ADAM33: variants seen among roughly 807,000 people sequenced by gnomAD.
ADAM33 encodes the protein ADAM metallopeptidase domain 33.
In ADAM33, 103 loss-of-function variants were observed where a neutral mutation model predicts 106.2. That is an observed-to-expected ratio of 0.97 (90% CI 0.83 to 1.14). The LOEUF (loss-of-function observed/expected upper bound fraction) is 1.14. Among genes scored for constraint, ADAM33 ranks in the 50% most tolerant of loss-of-function variants. ADAM33 has a pLI of 0.00. For synonymous variants in ADAM33, 483 were observed against 453.0 expected (o/e 1.07, Z -0.84); for missense variants, 1,120 against 1,096.6 (o/e 1.02, Z -0.30).
At position 3,673,453 on chromosome 20, in the gene ADAM33, TG is replaced by T; in HGVS notation, c.1033del (p.His345MetfsTer124). ...GAGGCCGAGGCTGTGGCCGATCTCA[TG>T]GGCCATGGTGGCTGCGGCGCCGATG... ...LPIGAAATMA[H>X]EIGHSLGLSH... On this transcript the variant is annotated frameshift_variant, in exon 11 of 22. Coordinates refer to ENST00000356518, the MANE Select transcript of ADAM33 (RefSeq NM_025220.5). LOFTEE classifies it high-confidence loss of function. 6.4e-7 allele frequency: 1 copy of T among 1,558,868 alleles called. No homozygotes were observed.
chr20:3,682,008 T>G lies in ADAM33; in HGVS notation c.-4A>C. The G allele has an allele frequency of 6.7e-7, 1 of 1,500,256 alleles. No individual in the cohort carries two copies. The highest frequency in any genetic ancestry group is 8.9e-7 in the Non-Finnish European group (1 of 1,123,926). The allele number at this position is 1,500,256 out of a possible 1,614,324, so 92.9% of individuals were successfully genotyped here. ...CTCTCCGGGGCCTCCAGCCCATAGCTGTGAGCTCCTCGGCCTCTAGGCAGC... is the reference window on the plus strand; with the variant it reads ...CTCTCCGGGGCCTCCAGCCCATAGCGGTGAGCTCCTCGGCCTCTAGGCAGC... On this transcript the variant is annotated 5_prime_UTR_variant, in exon 1 of 22. Coordinates refer to ENST00000356518, the MANE Select transcript of ADAM33 (RefSeq NM_025220.5).
intron 8 of ADAM33, 72 bp from the exon 9 acceptor site, chr20:3,673,983 TCCTC>T: frequency 6.2e-7 from 1 of 1,604,024 alleles, no homozygotes; most frequent in South Asian, 1.1e-5. Context: ...GGGGCGCCCT[TCCTC>T]TTCCCCAAAC....
rs368226907 is a variant in ADAM33, at chr20:3,674,193, C to G, written c.666+26G>C. 4.3e-6 allele frequency: 7 copies of G among 1,614,016 alleles called. No homozygotes were observed. In the African/African-American group the frequency reaches 9.3e-5, roughly 22 times the overall value. On this transcript the variant is annotated intron_variant, in intron 7 of 21. Coordinates refer to ENST00000356518, the MANE Select transcript of ADAM33 (RefSeq NM_025220.5). ...GCTGAGCTGGCCCCATCCCTGACCC[C>G]GCCAACCCCTGGGGTCTCTCCTCAC...
chr20:3,674,742 C>T, intron 5 of ADAM33, 31 bp downstream of exon 5: 10 of 1,595,470 alleles, frequency 6.3e-6, no homozygotes, highest in Middle Eastern at 1.7e-4. Context: ...CTTTCCCCAT[C>T]CCAGGCCCAG....
In ADAM33 at chr20:3,679,302, C is replaced by T. The variant is rs538895363; in HGVS notation, c.177+190G>A. Among the ~76,000 whole-genome samples the T allele has an allele frequency of 9.9e-5, 15 of 151,790 alleles. No homozygotes were observed. The South Asian group carries it at 2.3e-3, about 23-fold the overall frequency. On this transcript the variant is annotated intron_variant, in intron 2 of 21. Coordinates refer to ENST00000356518, the MANE Select transcript of ADAM33 (RefSeq NM_025220.5). The stretch of plus-strand genomic sequence containing the variant: ...AATGACTTCCATGTGTGCGGGCTCA[C>T]GAGATCCAGATGTCCAAACCCCAGT...
intron 2 of ADAM33, among the ~76,000 whole-genome samples, chr20:3,677,408 C>T (rs1250646406): frequency 6.6e-6 from 1 of 152,184 alleles, no homozygotes; most frequent in African/African-American, 2.4e-5. Flanking sequence ...AGCATCCTCC[C>T]TAGAGACCAG....
At position 3,668,623 on chromosome 20, in the gene ADAM33, A is replaced by T. The variant is rs2087338484; in HGVS notation, c.*340T>A. 3 of 362,710 alleles carry T rather than the reference A, an allele frequency of 8.3e-6. No individual in the cohort carries two copies. 22.5% of individuals were successfully genotyped at this position (362,710 alleles called of 1,614,324 possible). On this transcript the variant is annotated 3_prime_UTR_variant, in exon 22 of 22. Transcript: ENST00000356518. ...TCCGTGGAAATTGCATGTAGGAGACACACCAGACTCCCAGGACAGAGCCCT... is the reference window on the plus strand; with the variant it reads ...TCCGTGGAAATTGCATGTAGGAGACTCACCAGACTCCCAGGACAGAGCCCT...
At chr20:3,672,689 G>C (rs1568803175) in intron 12 of ADAM33, 32 bp downstream of exon 12, 2 of 1,595,526 alleles carry the variant, frequency 1.3e-6, no homozygotes, top group Non-Finnish European at 1.7e-6. Context: ...TGAGCGGAGA[G>C]GGCAAGTGGG....
At position 3,671,782 on chromosome 20, in the gene ADAM33, G is replaced by A. The variant is rs1366260187; in HGVS notation, c.1707-3C>T. ...GCAGCTTCCCACACAGGGCATCCCTGGGGAGGAAGTAGAGGGGGGTCAACA... is the reference window on the plus strand; with the variant it reads ...GCAGCTTCCCACACAGGGCATCCCTAGGGAGGAAGTAGAGGGGGGTCAACA... On this transcript the variant is annotated splice_region_variant and splice_polypyrimidine_tract_variant and intron_variant, in intron 15 of 21. Coordinates refer to ENST00000356518, the MANE Select transcript of ADAM33 (RefSeq NM_025220.5). 4 of 1,559,240 alleles carry A rather than the reference G, an allele frequency of 2.6e-6. No individual in the cohort carries two copies. The highest frequency in any genetic ancestry group is 3.5e-6 in the Non-Finnish European group (4 of 1,151,348).
rs1033626972 is a variant in ADAM33 at position 3,674,811 on chromosome 20, G to A, written c.372C>T (p.Pro124=). 8.1e-6 allele frequency: 13 copies of A among 1,611,116 alleles called. No homozygotes were observed. The highest frequency in any genetic ancestry group is 4.0e-5 in the African/African-American group (3 of 74,888). Residue 124 remains proline (P), a synonymous_variant, in exon 5 of 22, where the codon CCC becomes CCT. Coordinates refer to ENST00000356518, the MANE Select transcript of ADAM33 (RefSeq NM_025220.5). ...CHYQGRVRGF[P]DSWVVLCTCS... Reference sequence around the variant, plus strand: ...AGGTGCAGAGGACTACCCAGGAGTCGGGGAAGCCCCTTACTCGCCCTTGGT... The same window carrying A: ...AGGTGCAGAGGACTACCCAGGAGTCAGGGAAGCCCCTTACTCGCCCTTGGT...
Position 3,673,864 on chromosome 20 carries a change from C to A in ADAM33, c.786G>T (p.Val262=), listed in dbSNP as rs537195705. 1 of 1,563,872 alleles carries A rather than the reference C, an allele frequency of 6.4e-7. No homozygotes were observed. Among genetic ancestry groups the A allele is most frequent in the Admixed American group, 1.9e-5 (1 of 53,178 alleles). ...CGCGGCTGCGGTCCCGCTCGGTCCA[C>A]ACCTCCAGGCCGGTCAGCGCCACCT... ...DIQVALTGLE[V]WTERDRSRVT... is the part of the protein sequence containing the mutation. Residue 262 remains valine, a synonymous_variant, in exon 9 of 22, where the codon GTG becomes GTT. Coordinates refer to ENST00000356518, the MANE Select transcript of ADAM33 (RefSeq NM_025220.5).
At position 3,673,754 on chromosome 20, in the gene ADAM33, T is replaced by G; in HGVS notation, c.896A>C (p.Gln299Pro). Residue 299 changes from glutamine to proline, a missense_variant, in exon 9 of 22, where the codon CAG (glutamine) becomes CCG (proline). Physicochemically the swap from Gln to Pro is moderately conservative, Grantham distance 76 (BLOSUM62 -1). Transcript: ENST00000356518. ...LWAQRPHDSA[Q>P]LLTGRAFQGA... ...GGTCAGAGGCACCCACGTGAGCAGC[T>G]GCGCGGAGTCGTGGGGCCGCTGCGC... 2 of 1,513,642 alleles carry G rather than the reference T, an allele frequency of 1.3e-6. No homozygotes were observed. Among genetic ancestry groups the G allele is most frequent in the Non-Finnish European group, 1.8e-6 (2 of 1,135,428 alleles). 93.8% of individuals were successfully genotyped at this position (1,513,642 alleles called of 1,614,324 possible). A position where few individuals can be genotyped will look rare whatever the true frequency, so the allele number is the denominator to read the frequency against.
intron 2 of ADAM33, 37 bp downstream of exon 2, chr20:3,679,455 A>G: frequency 1.3e-6 from 2 of 1,571,836 alleles, no homozygotes; most frequent in Non-Finnish European, 1.7e-6. Flanking sequence ...TGGGAGGTTC[A>G]GGGCCCCTGT....
rs371733555 is a variant in ADAM33 at position 3,672,837 on chromosome 20, T to G, written c.1195A>C (p.Lys399Gln). Residue 399 changes from lysine (K) to glutamine (Q), a missense_variant, in exon 12 of 22, where the codon AAG becomes CAG. By Grantham distance (53) the Lys-to-Gln change is moderately conservative. Transcript: ENST00000356518. Reference sequence around the variant, plus strand: ...TTGGAGAGGCAAGCGCCGCCCCCCTTGCGGAAGAAGGCGCGCAGCTGGCGG... The same window carrying G: ...TTGGAGAGGCAAGCGCCGCCCCCCTGGCGGAAGAAGGCGCGCAGCTGGCGG... ...SRRQLRAFFRKGGGACLSNAP... is the reference protein window; with the variant it reads ...SRRQLRAFFRQGGGACLSNAP... 4 of 1,576,194 alleles carry G rather than the reference T, an allele frequency of 2.5e-6. No individual in the cohort carries two copies. The highest frequency in any genetic ancestry group is 2.7e-5 in the African/African-American group (2 of 73,520).
intron 11 of ADAM33, 44 bp downstream of exon 11, chr20:3,673,310 A>C: frequency 1.3e-6 from 2 of 1,535,252 alleles, no homozygotes; most frequent in Non-Finnish European, 1.7e-6. Flanking sequence ...GGAAGTCCCC[A>C]GGACTAGCCG....
At chr20:3,681,758 A>G in intron 1 of ADAM33, 150 bp downstream of exon 1, 1 of 1,247,326 alleles carries the variant, frequency 8.0e-7, no homozygotes, top group Non-Finnish European at 1.0e-6. Flanking sequence ...AGACCCCCCC[A>G]AAGAGTCCCC....
intron 11 of ADAM33, 73 bp from the exon 12 acceptor site, chr20:3,672,971 CT>C (rs2087653621): frequency 2.8e-6 from 4 of 1,451,016 alleles, no homozygotes; most frequent in Middle Eastern, 2.5e-4. Context: ...ATCCCCACCC[CT>C]GGGCTTGGCT....
At chr20:3,673,231 G>A in intron 11 of ADAM33, 123 bp downstream of exon 11, 2 of 1,533,544 alleles carry the variant, frequency 1.3e-6, no homozygotes, top group Non-Finnish European at 1.7e-6. Context: ...ACCCTGAAGC[G>A]GACACTATGA....
At chr20:3,680,856 G>GAGAGGGGC (rs1156669381) in intron 1 of ADAM33, among the ~76,000 whole-genome samples, 1 of 152,210 alleles carries the variant, frequency 6.6e-6, no homozygotes, top group Middle Eastern at 3.2e-3. Context: ...CAATGAGGGA[G>GAGAGGGGC]AGAGGGGCAG....
Sources: gnomAD v4.1 joint callset for allele counts (sites outside exome capture counted in the v4.1 genomes callset) on GRCh38, gnomAD v4.1.1 for gene constraint, MANE v1.5 for transcripts, NCBI Gene and HGNC (gene_info 2026-07-23, HGNC 2026-07-21) for gene names.